The following PPP1R16B variants were observed in gnomAD, a reference collection of about 807,000 sequenced individuals.
PPP1R16B encodes the protein protein phosphatase 1 regulatory inhibitor subunit 16B.
Under a neutral mutation model 61.7 loss-of-function variants are expected in PPP1R16B, and 14 were observed. That is an observed-to-expected ratio of 0.23 (90% CI 0.15 to 0.35). The LOEUF (loss-of-function observed/expected upper bound fraction) is 0.35, where lower values mean the gene tolerates loss of function less well. PPP1R16B is among the 10% of genes least tolerant of loss of function. The pLI, the probability that PPP1R16B is intolerant of heterozygous loss-of-function variation, is 1.00. For synonymous variants in PPP1R16B, 266 were observed against 305.3 expected, an observed-to-expected ratio of 0.87 and a Z score of 1.34; for missense variants, 547 against 752.5, an observed-to-expected ratio of 0.73 and a Z score of 3.19.
intron 1 of PPP1R16B, among the ~76,000 whole-genome samples, chr20:38,811,934 G>C (rs149113293): frequency 1.6e-3 from 238 of 152,336 alleles, no homozygotes; most frequent in African/African-American, 5.4e-3. Context: ...TCATTCAGCT[G>C]TGTGTCTCCA....
chr20:38,825,985 G>A (rs146888982), intron 1 of PPP1R16B, among the ~76,000 whole-genome samples: 243 of 152,290 alleles, frequency 1.6e-3, no homozygotes, highest in African/African-American at 5.5e-3. Flanking sequence ...GCACCAAGTA[G>A]CCACCACCAA....
intron 2 of PPP1R16B, among the ~76,000 whole-genome samples, chr20:38,881,308 A>T (rs2085201937): frequency 6.6e-6 from 1 of 152,172 alleles, no homozygotes; most frequent in Non-Finnish European, 1.5e-5. Flanking sequence ...TCAATTGCTC[A>T]GTGGGGTGAT....
chr20:38,850,869 G>A (rs969816687), intron 2 of PPP1R16B, among the ~76,000 whole-genome samples: 1 of 151,628 alleles, frequency 6.6e-6, no homozygotes, highest in Non-Finnish European at 1.5e-5. Flanking sequence ...TCGGGAGGCT[G>A]AGGCAAAAGA....
intron 10 of PPP1R16B, among the ~76,000 whole-genome samples, chr20:38,908,781 T>C (rs2085466498): frequency 6.6e-6 from 1 of 152,102 alleles, no homozygotes; most frequent in Non-Finnish European, 1.5e-5. Context: ...ATGGTGGAAA[T>C]TTATTCTCTC....
At position 38,806,569 on chromosome 20, in the gene PPP1R16B, C is replaced by G. The variant is rs2084663105; in HGVS notation, c.-102+777C>G. Among the ~76,000 whole-genome samples the G allele has an allele frequency of 6.6e-6, 1 of 152,096 alleles. No homozygotes were observed. Among genetic ancestry groups the G allele is most frequent in the African/African-American group, 2.4e-5 (1 of 41,428 alleles). ...CCGAGGATGGGCGGAGACGTGCAGCCGCCCCTGAGAGGTCGCCCAGAGGGG... is the reference window on the plus strand; with the variant it reads ...CCGAGGATGGGCGGAGACGTGCAGCGGCCCCTGAGAGGTCGCCCAGAGGGG... On this transcript the variant is annotated intron_variant, in intron 1 of 10. Coordinates refer to ENST00000299824, the MANE Select transcript of PPP1R16B (RefSeq NM_015568.4). This position sits in a 1 kb window ranked among gnomAD's most constrained non-coding sequence, Gnocchi z 4.5.
chr20:38,821,208 G>T (rs993338212), intron 1 of PPP1R16B, among the ~76,000 whole-genome samples: 30 of 152,328 alleles, frequency 2.0e-4, no homozygotes, highest in South Asian at 2.1e-4. Flanking sequence ...AAGAGATGTT[G>T]TAATGGTGAG....
At chr20:38,895,208 T>C (rs1408420706) in intron 3 of PPP1R16B, among the ~76,000 whole-genome samples, 1 of 151,926 alleles carries the variant, frequency 6.6e-6, no homozygotes, top group Admixed American at 6.5e-5. Context: ...TAATTTTCTT[T>C]GGAGAAAGCC....
At chr20:38,855,923 T>TATAC (rs1227267042) in intron 2 of PPP1R16B, among the ~76,000 whole-genome samples, 2 of 49,904 alleles carry the variant, frequency 4.0e-5, no homozygotes, top group Admixed American at 2.6e-4. Context: ...TATATATATA[T>TATAC]ATATATATAT....
intron 3 of PPP1R16B, among the ~76,000 whole-genome samples, chr20:38,891,007 T>C (rs369625045): frequency 1.4e-4 from 22 of 152,248 alleles, no homozygotes; most frequent in African/African-American, 5.1e-4. Context: ...CATTGGAAAC[T>C]CCCAGACTCC....
intron 2 of PPP1R16B, among the ~76,000 whole-genome samples, chr20:38,874,392 T>A (rs2085151540): frequency 6.6e-6 from 1 of 152,176 alleles, no homozygotes; most frequent in Non-Finnish European, 1.5e-5. Flanking sequence ...CACTTTATAA[T>A]CTAATTCTCA....
chr20:38,848,805 A>AT (rs1424681454), intron 2 of PPP1R16B, among the ~76,000 whole-genome samples: 2 of 152,110 alleles, frequency 1.3e-5, no homozygotes, highest in African/African-American at 4.8e-5. Context: ...CTGGGTCCCT[A>AT]TTGGAGGGTG....
In PPP1R16B at chr20:38,872,598, G is replaced by A. The variant is rs139353347; in HGVS notation, c.251-16997G>A. ...CCAGCAGGGCTGGGGTAGGGCCACC[G>A]GATTTGCATTGCCAGCAAATTCCCA... On this transcript the variant is annotated intron_variant, in intron 2 of 10. Coordinates refer to ENST00000299824, the MANE Select transcript of PPP1R16B (RefSeq NM_015568.4). Among the ~76,000 whole-genome samples, 1,022 of 152,284 alleles carry A rather than the reference G, an allele frequency of 6.7e-3. 15 individuals are homozygous for A. Among genetic ancestry groups the A allele is most frequent in the African/African-American group, 0.024 (980 of 41,544 alleles).
chr20:38,917,784 C>CT (rs2085554198), intron 10 of PPP1R16B, among the ~76,000 whole-genome samples: 1 of 152,208 alleles, frequency 6.6e-6, no homozygotes, highest in African/African-American at 2.4e-5. Flanking sequence ...CAGCCCTCAG[C>CT]TTACGTCATT....
intron 10 of PPP1R16B, among the ~76,000 whole-genome samples, chr20:38,910,280 C>T (rs915198857): frequency 1.3e-5 from 2 of 151,836 alleles, no homozygotes; most frequent in Non-Finnish European, 2.9e-5. Context: ...CATGCCTGGC[C>T]AAGTAGACAA....
intron 7 of PPP1R16B, 72 bp from the exon 8 acceptor site, chr20:38,906,907 G>A: frequency 7.7e-7 from 1 of 1,305,022 alleles, no homozygotes; most frequent in Non-Finnish European, 1.1e-6. Context: ...AGAGGCCTTG[G>A]GCACTCTCTC....
At chr20:38,902,298 G>T (rs1024895393) in intron 5 of PPP1R16B, among the ~76,000 whole-genome samples, 5 of 152,228 alleles carry the variant, frequency 3.3e-5, no homozygotes, top group Non-Finnish European at 7.3e-5. Context: ...TGGTCAGATA[G>T]GGTGGTCAGC....
At position 38,806,058 on chromosome 20, in the gene PPP1R16B, C is replaced by T. The variant is rs1305662048; in HGVS notation, c.-102+266C>T. 1.3e-5 allele frequency among the ~76,000 whole-genome samples: 2 copies of T among 151,632 alleles called. No individual in the cohort carries two copies. Among genetic ancestry groups the T allele is most frequent in the African/African-American group, 4.9e-5 (2 of 41,216 alleles). The stretch of plus-strand genomic sequence containing the variant: ...TCCTTGACGAGGCCAGGGGAGGGGG[C>T]GCATTGGCAGGTTGTTGGCTGCGGC... On this transcript the variant is annotated intron_variant, in intron 1 of 10. Transcript: ENST00000299824. The surrounding 1 kb of genome is among the most constrained non-coding windows in gnomAD (Gnocchi z 4.5).
intron 1 of PPP1R16B, among the ~76,000 whole-genome samples, chr20:38,813,037 C>T (rs1568650332): frequency 6.6e-6 from 1 of 152,084 alleles, no homozygotes; most frequent in Non-Finnish European, 1.5e-5. Context: ...TGGGAGACCC[C>T]AAGTCTACAG....
At chr20:38,865,430 C>T (rs931797002) in intron 2 of PPP1R16B, among the ~76,000 whole-genome samples, 18 of 152,200 alleles carry the variant, frequency 1.2e-4, no homozygotes, top group Non-Finnish European at 2.1e-4. Flanking sequence ...GCTGGGACTA[C>T]AGGTGCCCGC....
Sources: allele counts gnomAD v4.1 joint callset (sites outside exome capture counted in the v4.1 genomes callset), GRCh38; gene constraint gnomAD v4.1.1; non-coding constraint Gnocchi (gnomAD v3.1); transcripts MANE v1.5; gene names NCBI Gene and HGNC (gene_info 2026-07-23, HGNC 2026-07-21).